The following FAM169A variants were observed in gnomAD, a reference collection of about 807,000 sequenced individuals.
The protein encoded by FAM169A is family with sequence similarity 169 member A, also known as soluble lamin-associated protein of 75 kDa.
FAM169A carries 24 observed loss-of-function variants against 75.7 expected under a neutral mutation model. The ratio of observed to expected loss-of-function variants is 0.32; its 90% CI spans 0.23 to 0.45. The LOEUF (loss-of-function observed/expected upper bound fraction) is 0.45, where lower values mean the gene tolerates loss of function less well. Ranked by LOEUF, FAM169A falls within the 20% of genes least tolerant of loss-of-function variation. The pLI, the probability that FAM169A is intolerant of heterozygous loss-of-function variation, is 1.00. For synonymous variants in FAM169A, 271 were observed against 271.0 expected (o/e 1.00, Z 0.00); for missense variants, 673 against 784.0 (o/e 0.86, Z 1.69).
At chr5:74,794,852 G>C (rs1365154664) in intron 11 of FAM169A, among the ~76,000 whole-genome samples, 3 of 152,052 alleles carry the variant, frequency 2.0e-5, no homozygotes, top group Non-Finnish European at 4.4e-5. Flanking sequence ...CTACTCGGGA[G>C]GCAGAGGCAG....
chr5:74,866,745 G>T, upstream of FAM169A: 5 of 985,482 alleles, frequency 5.1e-6, no homozygotes, highest in Non-Finnish European at 6.0e-6. Context: ...TTCCTTTAAT[G>T]CCGACCTTCG....
chr5:74,858,088 CAA>C (rs918954047), intron 1 of FAM169A, among the ~76,000 whole-genome samples: 5 of 143,498 alleles, frequency 3.5e-5, no homozygotes, highest in Admixed American at 7.0e-5. Context: ...ATACTACAGT[CAA>C]AAAAAAAAAG....
At chr5:74,861,802 T>C (rs966139141) in intron 1 of FAM169A, among the ~76,000 whole-genome samples, 7 of 152,218 alleles carry the variant, frequency 4.6e-5, no homozygotes, top group South Asian at 2.1e-4. Flanking sequence ...CAACTCTTCA[T>C]TGATATCATT....
chr5:74,827,148 C>T (rs1214296687), intron 5 of FAM169A, among the ~76,000 whole-genome samples: 1 of 152,130 alleles, frequency 6.6e-6, no homozygotes, highest in Admixed American at 6.6e-5. Flanking sequence ...TAACCATAAT[C>T]TGTTGGTTAA....
At chr5:74,812,565 C>A (rs61589039) in intron 6 of FAM169A, among the ~76,000 whole-genome samples, 4,674 of 152,138 alleles carry the variant, frequency 0.031, 252 homozygotes, top group African/African-American at 0.11. Context: ...CAGGCATATG[C>A]CACCATTCCC....
chr5:74,802,081 T>C (rs1746610608), intron 8 of FAM169A, among the ~76,000 whole-genome samples: 1 of 152,162 alleles, frequency 6.6e-6, no homozygotes, highest in Non-Finnish European at 1.5e-5. Flanking sequence ...CCCAATATTA[T>C]TCCCTATCTT....
At chr5:74,866,108 G>A in intron 1 of FAM169A, 57 bp downstream of exon 1, 5 of 878,816 alleles carry the variant, frequency 5.7e-6, no homozygotes, top group Non-Finnish European at 6.8e-6. Context: ...GCGGGGCCCG[G>A]CGCGGCCGTC....
Position 74,805,186 on chromosome 5 carries a change from C to A in FAM169A, c.769G>T (p.Ala257Ser). The A allele has an allele frequency of 6.2e-7, 1 of 1,613,784 alleles. No individual in the cohort carries two copies. Among genetic ancestry groups the A allele is most frequent in the Non-Finnish European group, 8.5e-7 (1 of 1,179,716 alleles). Residue 257 changes from alanine (A) to serine (S), a missense_variant, in exon 7 of 13, where the codon GCA (alanine) becomes TCA (serine). Ala to Ser is a moderately conservative substitution (Grantham distance 99). Coordinates refer to ENST00000687041, the MANE Select transcript of FAM169A (RefSeq NM_001376049.1). ...HWYQRIPVTR[A>S]LQREALKILA... is the part of the protein sequence containing the mutation. The stretch of plus-strand genomic sequence containing the variant: ...ATTTTAAGTGCTTCTCTTTGTAATG[C>A]TCTGGTGACTGGTATTCGCTGGTAC...
chr5:74,845,935 A>G (rs1453928559), intron 1 of FAM169A, among the ~76,000 whole-genome samples: 2 of 152,236 alleles, frequency 1.3e-5, no homozygotes, highest in Admixed American at 6.5e-5. Flanking sequence ...GAAATATAAC[A>G]TTATGTTCTA....
chr5:74,836,743 T>A (rs1240590859), intron 4 of FAM169A, among the ~76,000 whole-genome samples: 1 of 151,752 alleles, frequency 6.6e-6, no homozygotes, highest in African/African-American at 2.4e-5. Context: ...TGGTCAAGAG[T>A]TCGAAACCAG....
At chr5:74,799,983 T>G in intron 10 of FAM169A, 1 of 799,580 alleles carries the variant, frequency 1.3e-6, no homozygotes, top group Non-Finnish European at 2.2e-6. Context: ...CACTCAAGTC[T>G]CTATTTATGA....
chr5:74,791,476 A>G (rs1745972567), intron 11 of FAM169A, among the ~76,000 whole-genome samples: 1 of 152,180 alleles, frequency 6.6e-6, no homozygotes, highest in Non-Finnish European at 1.5e-5. Context: ...ATTCCATTAA[A>G]CTGGAAGTTA....
chr5:74,858,385 C>T (rs1401945406), intron 1 of FAM169A, among the ~76,000 whole-genome samples: 1 of 152,064 alleles, frequency 6.6e-6, no homozygotes, highest in Non-Finnish European at 1.5e-5. Flanking sequence ...GAGACTCCAT[C>T]TCAAAAAAAC....
chr5:74,840,017 A>T, intron 3 of FAM169A, 57 bp downstream of exon 3: 1 of 896,758 alleles, frequency 1.1e-6, no homozygotes, highest in Non-Finnish European at 1.7e-6. Context: ...TTTTAAATAA[A>T]TTTCTAACAG....
intron 4 of FAM169A, among the ~76,000 whole-genome samples, chr5:74,836,144 T>C (rs1475950943): frequency 6.6e-6 from 1 of 152,236 alleles, no homozygotes; most frequent in Non-Finnish European, 1.5e-5. Context: ...CTTTTCTATA[T>C]AAACAAAGTT....
intron 10 of FAM169A, chr5:74,799,261 C>G: frequency 2.0e-6 from 3 of 1,522,392 alleles, no homozygotes; most frequent in Non-Finnish European, 2.7e-6. Context: ...GAAGCCAACA[C>G]TGATGATCCT....
chr5:74,816,573 T>C (rs1309362177), intron 5 of FAM169A, among the ~76,000 whole-genome samples: 3 of 152,170 alleles, frequency 2.0e-5, no homozygotes, highest in African/African-American at 7.2e-5. Context: ...TCACCTACAC[T>C]TTACATATTA....
chr5:74,856,879 G>C (rs1749734568), intron 1 of FAM169A, among the ~76,000 whole-genome samples: 1 of 151,510 alleles, frequency 6.6e-6, no homozygotes, highest in African/African-American at 2.4e-5. Context: ...GGAGGCCGAG[G>C]TGGGCAGATC....
At position 74,805,287 on chromosome 5, in the gene FAM169A, G is replaced by A. The variant is rs771480631; in HGVS notation, c.671-3C>T. 8.7e-6 allele frequency: 14 copies of A among 1,605,688 alleles called. No homozygotes were observed. Among genetic ancestry groups the A allele is most frequent in the Middle Eastern group, 1.7e-4 (1 of 6,044 alleles). ...CTTCTCAAAGTATTGCTTGCAAGCTGAAAAACACATTTAGAATTTTCTAGA... is the reference window on the plus strand; with the variant it reads ...CTTCTCAAAGTATTGCTTGCAAGCTAAAAAACACATTTAGAATTTTCTAGA... On this transcript the variant is annotated splice_region_variant and splice_polypyrimidine_tract_variant and intron_variant, in intron 6 of 12. Coordinates refer to ENST00000687041, the MANE Select transcript of FAM169A (RefSeq NM_001376049.1).
Sources: allele counts gnomAD v4.1 joint callset (sites outside exome capture counted in the v4.1 genomes callset), GRCh38; gene constraint gnomAD v4.1.1; transcripts MANE v1.5; gene names NCBI Gene and HGNC (gene_info 2026-07-23, HGNC 2026-07-21).